The following INPP5A variants were observed in gnomAD, a reference collection of about 807,000 sequenced individuals.
INPP5A encodes 43 kDa inositol polyphosphate 5-phophatase.
A neutral mutation model predicts 65.2 loss-of-function variants in INPP5A; 14 were observed. That is an observed-to-expected ratio of 0.21 (90% CI 0.14 to 0.34). INPP5A has a LOEUF of 0.34. Among genes scored for constraint, INPP5A ranks in the 10% least tolerant of loss-of-function variants. The pLI is 1.00. For missense variants in INPP5A, 431 were observed against 545.6 expected, an observed-to-expected ratio of 0.79 and a Z score of 2.09; for synonymous variants, 207 against 208.3, an observed-to-expected ratio of 0.99 and a Z score of 0.05.
Position 132,552,072 on chromosome 10 carries a change from C to T in INPP5A, c.75+13901C>T, listed in dbSNP as rs557174624. 3.9e-5 allele frequency among the ~76,000 whole-genome samples: 6 copies of T among 152,314 alleles called. No individual in the cohort carries two copies. The East Asian group carries it at 5.8e-4, about 15-fold the overall frequency. On this transcript the variant is annotated intron_variant, in intron 1 of 15. Coordinates refer to ENST00000368594, the MANE Select transcript of INPP5A (RefSeq NM_005539.5). The stretch of plus-strand genomic sequence containing the variant: ...CCATTCACTCGGGAGCATTTATGGG[C>T]GCATTCTCAGAGCCTTGGTGAAGTT...
At chr10:132,688,057 G>A (rs1845170341) in intron 4 of INPP5A, among the ~76,000 whole-genome samples, 1 of 152,194 alleles carries the variant, frequency 6.6e-6, no homozygotes, top group Non-Finnish European at 1.5e-5. Flanking sequence ...ACCATGCACT[G>A]CACACGCCCT....
intron 8 of INPP5A, among the ~76,000 whole-genome samples, chr10:132,716,959 G>T (rs775016962): frequency 5.9e-5 from 9 of 152,192 alleles, no homozygotes; most frequent in Non-Finnish European, 1.3e-4. Flanking sequence ...GCTTTAAAAG[G>T]TGCCAGACAC....
intron 4 of INPP5A, among the ~76,000 whole-genome samples, chr10:132,672,565 G>C (rs542392634): frequency 6.6e-6 from 1 of 152,194 alleles, no homozygotes; most frequent in East Asian, 1.9e-4. Context: ...GCTCCTCCTT[G>C]CCTTCTGCCA....
chr10:132,562,380 T>C (rs1374296416), intron 1 of INPP5A, among the ~76,000 whole-genome samples: 1 of 152,194 alleles, frequency 6.6e-6, no homozygotes, highest in Non-Finnish European at 1.5e-5. Flanking sequence ...GGCAGTGTTG[T>C]CAGGAGGTGG....
intron 11 of INPP5A, among the ~76,000 whole-genome samples, chr10:132,763,221 T>C (rs552717956): frequency 6.6e-5 from 10 of 152,358 alleles, no homozygotes; most frequent in South Asian, 4.1e-4. Context: ...GCAGATCTCA[T>C]AGATGCTCCT....
At chr10:132,634,000 T>C (rs1210938859) in intron 2 of INPP5A, among the ~76,000 whole-genome samples, 3 of 152,190 alleles carry the variant, frequency 2.0e-5, no homozygotes, top group African/African-American at 7.2e-5. Flanking sequence ...AGTGCATCAC[T>C]TCATTCGTGA....
At chr10:132,620,799 A>T (rs759056995) in intron 2 of INPP5A, among the ~76,000 whole-genome samples, 1 of 152,222 alleles carries the variant, frequency 6.6e-6, no homozygotes, top group Non-Finnish European at 1.5e-5. Context: ...AACAAGAAAC[A>T]ACAGAAATTC....
chr10:132,760,491 G>A (rs772967959), intron 11 of INPP5A, among the ~76,000 whole-genome samples: 8 of 152,380 alleles, frequency 5.3e-5, no homozygotes, highest in Middle Eastern at 3.4e-3. Flanking sequence ...CCAGGACTGC[G>A]TCCCCCACAG....
chr10:132,710,300 G>C, intron 7 of INPP5A, 37 bp from the exon 8 acceptor site: 1 of 1,607,966 alleles, frequency 6.2e-7, no homozygotes, highest in Middle Eastern at 1.7e-4. Context: ...GGAGGCTCCG[G>C]CCCTTGGTGA....
chr10:132,713,743 G>T (rs980256375), intron 8 of INPP5A, among the ~76,000 whole-genome samples: 3 of 152,182 alleles, frequency 2.0e-5, no homozygotes, highest in African/African-American at 7.2e-5. Context: ...CACACCCTCT[G>T]CAGGGGACCT....
chr10:132,699,195 G>A (rs1468731710), intron 6 of INPP5A, among the ~76,000 whole-genome samples: 3 of 152,178 alleles, frequency 2.0e-5, no homozygotes, highest in Non-Finnish European at 1.5e-5. Flanking sequence ...GGAAGGGCAG[G>A]GCGGGGGCTG....
intron 8 of INPP5A, among the ~76,000 whole-genome samples, chr10:132,722,859 T>G (rs1002712582): frequency 4.6e-5 from 7 of 152,242 alleles, no homozygotes; most frequent in Non-Finnish European, 8.8e-5. Flanking sequence ...GGCCTACGTT[T>G]TAATCATAAT....
In INPP5A at chr10:132,603,187, G is replaced by C. The variant is rs953861818; in HGVS notation, c.76-4728G>C. The stretch of plus-strand genomic sequence containing the variant: ...AGGGGAAGAGTTGGGCCTTCTGGGC[G>C]GCTGTGGGCCAGGCTGCCTCTGGCA... On this transcript the variant is annotated intron_variant, in intron 1 of 15. Transcript: ENST00000368594. The surrounding 1 kb of genome is among the most constrained non-coding windows in gnomAD (Gnocchi z 4.2). Among the ~76,000 whole-genome samples, 1 of 152,148 alleles carries C rather than the reference G, an allele frequency of 6.6e-6. No individual in the cohort carries two copies. Among genetic ancestry groups the C allele is most frequent in the Non-Finnish European group, 1.5e-5 (1 of 68,028 alleles).
At chr10:132,611,862 TGTGG>T (rs2071959553) in intron 2 of INPP5A, among the ~76,000 whole-genome samples, 1 of 86,374 alleles carries the variant, frequency 1.2e-5, no homozygotes, top group Non-Finnish European at 2.3e-5. Context: ...CAGAGGAGGG[TGTGG>T]GAGGTGAAGT....
At chr10:132,764,828 G>T (rs563263923) in intron 11 of INPP5A, among the ~76,000 whole-genome samples, 3 of 142,092 alleles carry the variant, frequency 2.1e-5, no homozygotes, top group Non-Finnish European at 4.6e-5. Flanking sequence ...GAGGGTGTGT[G>T]TGGTGACACT....
At chr10:132,712,442 G>A (rs933222598) in intron 8 of INPP5A, among the ~76,000 whole-genome samples, 1 of 150,092 alleles carries the variant, frequency 6.7e-6, no homozygotes, top group Non-Finnish European at 1.5e-5. Context: ...CGCGTGTGTG[G>A]GTGTGTGTGG....
chr10:132,679,749 C>T (rs1281846579), intron 4 of INPP5A, among the ~76,000 whole-genome samples: 1 of 152,132 alleles, frequency 6.6e-6, no homozygotes, highest in African/African-American at 2.4e-5. Flanking sequence ...CTTAAATTGC[C>T]AATAATCTTA....
At chr10:132,563,716 G>T (rs2071235918) in intron 1 of INPP5A, among the ~76,000 whole-genome samples, 1 of 152,202 alleles carries the variant, frequency 6.6e-6, no homozygotes. Context: ...GGAAAGGAAA[G>T]AAAGGAAAGC....
Position 132,637,729 on chromosome 10 carries a change from A to G in INPP5A, c.118-8139A>G, listed in dbSNP as rs184339573. On this transcript the variant is annotated intron_variant, in intron 2 of 15. Coordinates refer to ENST00000368594, the MANE Select transcript of INPP5A (RefSeq NM_005539.5). This position sits in a 1 kb window ranked among gnomAD's most constrained non-coding sequence, Gnocchi z 4.1. Reference sequence around the variant, plus strand: ...TGGGCGCTCTCCGTCTCTTTCTCCCAGTGGTCCATTCTGTGTTTTAGTTTC... The same window carrying G: ...TGGGCGCTCTCCGTCTCTTTCTCCCGGTGGTCCATTCTGTGTTTTAGTTTC... Among the ~76,000 whole-genome samples the G allele has an allele frequency of 2.3e-3, 344 of 151,850 alleles. 3 individuals carry two copies. The highest frequency in any genetic ancestry group is 8.1e-3 in the African/African-American group (334 of 41,374).
Sources: allele counts gnomAD v4.1 joint callset (sites outside exome capture counted in the v4.1 genomes callset), GRCh38; gene constraint gnomAD v4.1.1; non-coding constraint Gnocchi (gnomAD v3.1); transcripts MANE v1.5; gene names NCBI Gene and HGNC (gene_info 2026-07-23, HGNC 2026-07-21).